Variants in LRRC27 observed in about 807,000 individuals in gnomAD.
LRRC27 encodes leucine rich repeat containing 27.
In LRRC27, 57 loss-of-function variants were observed where a neutral mutation model predicts 55.0. That is an observed-to-expected ratio of 1.04 (90% CI 0.84 to 1.29). LRRC27 has a LOEUF of 1.29. Among genes scored for constraint, LRRC27 ranks in the 50% most tolerant of loss-of-function variants. The probability of loss-of-function intolerance (pLI) is 0.00; values close to 1 mark genes in which losing one functional copy is unlikely to be tolerated. For missense variants in LRRC27, 721 were observed against 651.5 expected, an observed-to-expected ratio of 1.11 and a Z score of -1.16; for synonymous variants, 278 against 251.9, an observed-to-expected ratio of 1.10 and a Z score of -0.98.
intron 5 of LRRC27, among the ~76,000 whole-genome samples, chr10:132,345,364 G>A (rs1041108853): frequency 4.6e-5 from 7 of 151,584 alleles, no homozygotes; most frequent in African/African-American, 1.7e-4. Flanking sequence ...TAGATGTGCT[G>A]CAATTGAAAT....
chr10:132,340,708 A>G (rs1265043390), intron 3 of LRRC27, among the ~76,000 whole-genome samples: 2 of 151,802 alleles, frequency 1.3e-5, no homozygotes, highest in Non-Finnish European at 1.5e-5. Flanking sequence ...GCTCACGCCT[A>G]TAGTCCCAGC....
At chr10:132,344,916 A>G in intron 5 of LRRC27, 1 of 323,560 alleles carries the variant, frequency 3.1e-6, no homozygotes, top group Non-Finnish European at 5.7e-6. Flanking sequence ...CAAATGAAAC[A>G]GTTATCACCT....
At chr10:132,336,952 A>G (rs894423372) in intron 2 of LRRC27, 5 of 626,034 alleles carry the variant, frequency 8.0e-6, no homozygotes, top group Non-Finnish European at 1.3e-5. Flanking sequence ...ATCAGCGTGT[A>G]TACGTTCATC....
chr10:132,331,848 AT>A, upstream of LRRC27: 1 of 1,470,190 alleles, frequency 6.8e-7, no homozygotes, highest in Non-Finnish European at 9.2e-7. Flanking sequence ...GGAAAAACGG[AT>A]GCTACCGTTG....
intron 9 of LRRC27, among the ~76,000 whole-genome samples, chr10:132,363,594 C>T (rs1440489485): frequency 1.3e-5 from 2 of 152,186 alleles, no homozygotes; most frequent in African/African-American, 4.8e-5. Context: ...CTCTCCGGTG[C>T]CCCCGTGCTT....
intron 2 of LRRC27, among the ~76,000 whole-genome samples, chr10:132,336,269 A>T (rs769292819): frequency 9.2e-5 from 14 of 152,188 alleles, no homozygotes; most frequent in Non-Finnish European, 1.9e-4. Flanking sequence ...CAGAGGCCCG[A>T]GAAAGGCAGC....
At chr10:132,364,405 C>CACA (rs2068835578) in intron 9 of LRRC27, among the ~76,000 whole-genome samples, 2 of 69,092 alleles carry the variant, frequency 2.9e-5, no homozygotes, top group African/African-American at 9.8e-5. Context: ...TTACATCTAC[C>CACA]TCCACACCCG....
At position 132,374,913 on chromosome 10, in the gene LRRC27, C is replaced by T. The variant is rs552973224; in HGVS notation, c.1417-153C>T. On this transcript the variant is annotated intron_variant, in intron 10 of 10. Transcript: ENST00000368614. This position sits in a 1 kb window ranked among gnomAD's most constrained non-coding sequence, Gnocchi z 4.4. ...GGCCCCATTGCAGGGGGGACCGCGC[C>T]GTGATGCGGCTTGCAGGGGCCCCGG... Among the ~76,000 whole-genome samples the T allele has an allele frequency of 2.4e-4, 36 of 152,272 alleles. No homozygotes were observed. The South Asian group carries it at 4.6e-3, about 19-fold the overall frequency.
At chr10:132,341,409 A>G (rs1039616804) in intron 3 of LRRC27, among the ~76,000 whole-genome samples, 6 of 152,220 alleles carry the variant, frequency 3.9e-5, no homozygotes, top group Non-Finnish European at 8.8e-5. Context: ...ATCATAATTA[A>G]ATGTGAAAAC....
intron 8 of LRRC27, among the ~76,000 whole-genome samples, chr10:132,356,994 G>A (rs905258674): frequency 1.5e-4 from 23 of 152,254 alleles, no homozygotes; most frequent in Admixed American, 1.2e-3. Flanking sequence ...AGCAGAGAGC[G>A]TGGCCACGTG....
rs1293186228 is a variant in LRRC27, at chr10:132,366,789, C to G, written c.1416+1239C>G. 6.8e-6 allele frequency: 8 copies of G among 1,182,228 alleles called. No homozygotes were observed. In the Admixed American group the frequency reaches 1.2e-4, roughly 18 times the overall value. 73.2% of individuals were successfully genotyped at this position (1,182,228 alleles called of 1,614,324 possible). On this transcript the variant is annotated intron_variant, in intron 10 of 10. Transcript: ENST00000368614. ...GGAAGCAACCCTGGCCTTCCTGTCC[C>G]CACACCCCATCTGCAGGCTCCATTC...
intron 7 of LRRC27, chr10:132,352,833 CACCT>C (rs1564840717): frequency 1.2e-6 from 2 of 1,601,736 alleles, no homozygotes; most frequent in African/African-American, 1.3e-5. Flanking sequence ...TTCCTCACGA[CACCT>C]GCCTGCTTTC....
At chr10:132,373,017 G>A (rs548458420) in intron 10 of LRRC27, among the ~76,000 whole-genome samples, 3 of 152,086 alleles carry the variant, frequency 2.0e-5, no homozygotes, top group Admixed American at 6.5e-5. Flanking sequence ...GAATGGATGC[G>A]AACATTAGGG....
chr10:132,364,497 C>CCACACTTACACCTACG (rs1564853743), intron 9 of LRRC27, among the ~76,000 whole-genome samples: 2 of 16,146 alleles, frequency 1.2e-4, no homozygotes, highest in South Asian at 1.9e-3. Context: ...TTACACCCAC[C>CCACACTTACACCTACG]CTTACATCTA....
intron 10 of LRRC27, among the ~76,000 whole-genome samples, chr10:132,371,642 A>G (rs2069219633): frequency 6.6e-6 from 1 of 152,206 alleles, no homozygotes; most frequent in South Asian, 2.1e-4. Context: ...AGGCTGCCCC[A>G]CAAATGGCCA....
intron 7 of LRRC27, chr10:132,353,408 G>C: frequency 9.7e-7 from 1 of 1,029,438 alleles, no homozygotes; most frequent in Non-Finnish European, 1.2e-6. Flanking sequence ...CCCGTTGTGT[G>C]TGTGCTGTTT....
chr10:132,336,845 A>G (rs1564820531), intron 2 of LRRC27: 1 of 747,264 alleles, frequency 1.3e-6, no homozygotes, highest in Admixed American at 2.0e-5. Flanking sequence ...ATAAACAACT[A>G]GCAGCATTAA....
intron 10 of LRRC27, among the ~76,000 whole-genome samples, chr10:132,367,910 G>T (rs1473389126): frequency 6.6e-6 from 1 of 152,156 alleles, no homozygotes; most frequent in Non-Finnish European, 1.5e-5. Context: ...TGGGAAACAA[G>T]AAATAAAATT....
chr10:132,360,858 C>T (rs1333955056), intron 8 of LRRC27, among the ~76,000 whole-genome samples: 1 of 152,180 alleles, frequency 6.6e-6, no homozygotes, highest in Non-Finnish European at 1.5e-5. Context: ...TGACAGTCCC[C>T]GGGAACACAC....
Sources: allele counts gnomAD v4.1 joint callset (sites outside exome capture counted in the v4.1 genomes callset), GRCh38; gene constraint gnomAD v4.1.1; non-coding constraint Gnocchi (gnomAD v3.1); transcripts MANE v1.5; gene names NCBI Gene and HGNC (gene_info 2026-07-23, HGNC 2026-07-21).